SHOC1: variants seen among roughly 807,000 people sequenced by gnomAD.
SHOC1 encodes protein shortage in chiasmata 1 ortholog.
SHOC1 carries 136 observed loss-of-function variants against 179.2 expected under a neutral mutation model. The observed-to-expected ratio is 0.76, with a 90% confidence interval of 0.66 to 0.87. The LOEUF (loss-of-function observed/expected upper bound fraction) is 0.87, where lower values mean the gene tolerates loss of function less well. Ranked by LOEUF, SHOC1 falls within the 40% of genes least tolerant of loss-of-function variation. The pLI is 0.00. For missense variants in SHOC1, 1,538 were observed against 1,700.8 expected, an observed-to-expected ratio of 0.90 and a Z score of 1.68; for synonymous variants, 489 against 586.6, an observed-to-expected ratio of 0.83 and a Z score of 2.41.
intron 5 of SHOC1, among the ~76,000 whole-genome samples, chr9:111,763,498 A>T (rs1460582229): frequency 6.6e-6 from 1 of 152,184 alleles, no homozygotes; most frequent in Non-Finnish European, 1.5e-5. Flanking sequence ...ATTGGAAGCT[A>T]GAATCGAATG....
intron 27 of SHOC1, among the ~76,000 whole-genome samples, chr9:111,688,157 A>T (rs1480991283): frequency 6.6e-6 from 1 of 152,108 alleles, no homozygotes; most frequent in Admixed American, 6.5e-5. Context: ...GCATCTGCAA[A>T]TTTTTGTGGT....
chr9:111,776,095 C>A, intron 4 of SHOC1, 120 bp from the exon 5 acceptor site: 1 of 686,212 alleles, frequency 1.5e-6, no homozygotes, highest in Non-Finnish European at 2.4e-6. Flanking sequence ...AGAGAAGAAA[C>A]ATCTATATTC....
chr9:111,750,078 C>T (rs1358922510), intron 8 of SHOC1, among the ~76,000 whole-genome samples: 2 of 152,034 alleles, frequency 1.3e-5, no homozygotes, highest in African/African-American at 4.8e-5. Flanking sequence ...GGTATTTCTG[C>T]TTCTAGGTCT....
intron 5 of SHOC1, 22 bp downstream of exon 5, chr9:111,775,769 C>T (rs1480721974): frequency 2.5e-6 from 4 of 1,574,134 alleles, no homozygotes; most frequent in Non-Finnish European, 8.6e-7. Context: ...TGTTTTACAA[C>T]AATATAAAAT....
Position 111,692,371 on chromosome 9 carries a change from GAC to G in SHOC1, c.3604_3605del (p.Val1202HisfsTer5). On this transcript the variant is annotated frameshift_variant, in exon 27 of 28. Coordinates refer to ENST00000682961, the MANE Select transcript of SHOC1 (RefSeq NM_001378211.1). LOFTEE classifies it high-confidence loss of function. ...GATAATATTCATTATGTTCTTGAAT[GAC>G]AGAGTCTAAATCAGAAGCTGAACTT... ...SQSSASDLDSVIQEHNEYYQY... is the reference protein window; with the variant it reads ...SQSSASDLDSXIQEHNEYYQY... The G allele has an allele frequency of 6.2e-7, 1 of 1,613,204 alleles. No individual in the cohort carries two copies. Among genetic ancestry groups the G allele is most frequent in the Non-Finnish European group, 8.5e-7 (1 of 1,179,440 alleles).
intron 5 of SHOC1, among the ~76,000 whole-genome samples, chr9:111,767,904 A>G (rs528663224): frequency 6.6e-6 from 1 of 151,632 alleles, no homozygotes; most frequent in South Asian, 2.1e-4. Flanking sequence ...CAGGTCTTTC[A>G]CTTCTTTGGT....
chr9:111,736,093 A>G (rs1833802597), intron 12 of SHOC1, among the ~76,000 whole-genome samples: 2 of 152,348 alleles, frequency 1.3e-5, no homozygotes, highest in South Asian at 4.1e-4. Flanking sequence ...AAAACATTAC[A>G]TCCTCATGGA....
chr9:111,691,437 A>T, intron 27 of SHOC1, 114 bp downstream of exon 27: 1 of 893,806 alleles, frequency 1.1e-6, no homozygotes, highest in Non-Finnish European at 1.7e-6. Context: ...AACAGTTATT[A>T]GAGAAGTTTT....
Position 111,714,613 on chromosome 9 carries a change from C to T in SHOC1, c.2247G>A (p.Ser749=), listed in dbSNP as rs765840225. The change falls in exon 17 of 28, where the codon TCG becomes TCA. Residue 749 remains serine, a synonymous_variant. Coordinates refer to ENST00000682961, the MANE Select transcript of SHOC1 (RefSeq NM_001378211.1). ...TGCTGTTGTAGATATCTTTTGCCTTCGACAAATATCCTATTGAAGCAAAAT... is the reference window on the plus strand; with the variant it reads ...TGCTGTTGTAGATATCTTTTGCCTTTGACAAATATCCTATTGAAGCAAAAT... ...CSLDTALGYL[S]KAKDIYNSIL... is the part of the protein sequence containing the mutation. 44 of 1,608,176 alleles carry T rather than the reference C, an allele frequency of 2.7e-5. No individual in the cohort carries two copies. Among genetic ancestry groups the T allele is most frequent in the Non-Finnish European group, 3.1e-5 (36 of 1,178,614 alleles).
At chr9:111,738,110 A>G in intron 12 of SHOC1, 170 bp downstream of exon 12, 1 of 493,168 alleles carries the variant, frequency 2.0e-6, no homozygotes, top group Non-Finnish European at 3.4e-6. Flanking sequence ...TCATTTTTTC[A>G]AGAAAATGGG....
At chr9:111,765,411 A>G (rs1403091745) in intron 5 of SHOC1, among the ~76,000 whole-genome samples, 2 of 152,038 alleles carry the variant, frequency 1.3e-5, no homozygotes, top group Non-Finnish European at 2.9e-5. Flanking sequence ...CAGCCTGGCC[A>G]ACATGGGGAA....
At chr9:111,780,778 T>C (rs1185595263) in intron 4 of SHOC1, 152 bp downstream of exon 4, 1 of 515,380 alleles carries the variant, frequency 1.9e-6, no homozygotes, top group Non-Finnish European at 3.5e-6. Flanking sequence ...TAACCACTCC[T>C]TTGTGGTTCA....
intron 2 of SHOC1, among the ~76,000 whole-genome samples, chr9:111,787,622 A>C (rs1348318902): frequency 6.6e-6 from 1 of 152,214 alleles, no homozygotes; most frequent in Admixed American, 6.5e-5. Flanking sequence ...GGGTTTCTTG[A>C]GATGGAATCT....
intron 27 of SHOC1, among the ~76,000 whole-genome samples, chr9:111,689,395 T>G (rs1427563073): frequency 6.6e-6 from 1 of 150,416 alleles, no homozygotes; most frequent in East Asian, 1.9e-4. Context: ...CAAACAGACA[T>G]GCCAAAAAAT....
In SHOC1 at chr9:111,722,544, A is replaced by C. The variant is rs531742006; in HGVS notation, c.1996T>G (p.Ser666Ala). The C allele has an allele frequency of 4.1e-5, 66 of 1,607,366 alleles. No homozygotes were observed. The East Asian group carries it at 1.4e-3, about 35-fold the overall frequency. The stretch of plus-strand genomic sequence containing the variant: ...GATACAAGGTTTTTTAAGATAGGAG[A>C]AGCTGCTGCTTCGAGGAGGCAAAAT... ...QAFCLLEAAASPILKNLVSLC... is the reference protein window; with the variant it reads ...QAFCLLEAAAAPILKNLVSLC... The change falls in exon 15 of 28, where the codon TCT becomes GCT. Residue 666 changes from serine (S) to alanine (A), a missense_variant. Transcript: ENST00000682961.
rs1471975831 is a variant in SHOC1 at position 111,728,075 on chromosome 9, A to T, written c.1418-26T>A. 32 of 1,489,798 alleles carry T rather than the reference A, an allele frequency of 2.1e-5. No individual in the cohort carries two copies. The East Asian group carries it at 7.3e-4, about 34-fold the overall frequency. 92.3% of individuals were successfully genotyped at this position (1,489,798 alleles called of 1,614,324 possible). ...CTGAAAACAGAAAATAACAACACACAAGTAACTTCCACACCTAAACGAGTG... is the reference window on the plus strand; with the variant it reads ...CTGAAAACAGAAAATAACAACACACTAGTAACTTCCACACCTAAACGAGTG... On this transcript the variant is annotated intron_variant, in intron 12 of 27. Coordinates refer to ENST00000682961, the MANE Select transcript of SHOC1 (RefSeq NM_001378211.1).
chr9:111,704,741 C>CG (rs1832169064), intron 21 of SHOC1, among the ~76,000 whole-genome samples: 2 of 103,234 alleles, frequency 1.9e-5, no homozygotes, highest in Admixed American at 2.3e-4. Flanking sequence ...TTTATAACAT[C>CG]TAATGTTGGT....
At chr9:111,758,300 T>C (rs1298871837) in intron 6 of SHOC1, 105 bp from the exon 7 acceptor site, 2 of 675,408 alleles carry the variant, frequency 3.0e-6, no homozygotes, top group Non-Finnish European at 4.8e-6. Flanking sequence ...GGTAAAACGA[T>C]GATAAAAGTT....
At chr9:111,736,689 C>T (rs1294424466) in intron 12 of SHOC1, among the ~76,000 whole-genome samples, 11 of 152,014 alleles carry the variant, frequency 7.2e-5, no homozygotes, top group African/African-American at 2.2e-4. Flanking sequence ...CAAAAACAAT[C>T]GCAACAAAAA....
Sources: gnomAD v4.1 joint callset for allele counts (sites outside exome capture counted in the v4.1 genomes callset) on GRCh38, gnomAD v4.1.1 for gene constraint, MANE v1.5 for transcripts, NCBI Gene and HGNC (gene_info 2026-07-23, HGNC 2026-07-21) for gene names.